PDE3A: variants seen among roughly 807,000 people sequenced by gnomAD.
PDE3A encodes cGMP-inhibited 3',5'-cyclic phosphodiesterase 3A.
In PDE3A, 43 loss-of-function variants were observed where a neutral mutation model predicts 98.3. That is an observed-to-expected ratio of 0.44 (90% CI 0.34 to 0.56). The LOEUF is 0.56. PDE3A is among the 20% of genes least tolerant of loss of function. The probability of loss-of-function intolerance (pLI) is 0.01; values close to 1 mark genes in which losing one functional copy is unlikely to be tolerated. For synonymous variants in PDE3A, 663 were observed against 567.9 expected (o/e 1.17, Z -2.38); for missense variants, 1,427 against 1,440.7 (o/e 0.99, Z 0.15).
intron 9 of PDE3A, among the ~76,000 whole-genome samples, chr12:20,638,377 G>A (rs1944567953): frequency 6.6e-6 from 1 of 152,144 alleles, no homozygotes; most frequent in Admixed American, 6.6e-5. Flanking sequence ...TACAAAGTCT[G>A]TAAAATATTC....
At chr12:20,449,076 G>A (rs1167447463) in intron 1 of PDE3A, among the ~76,000 whole-genome samples, 2 of 152,134 alleles carry the variant, frequency 1.3e-5, no homozygotes, top group Admixed American at 6.5e-5. Flanking sequence ...CAATGCCGTA[G>A]CTAAAAAAAT....
chr12:20,650,706 C>T, intron 14 of PDE3A, 106 bp downstream of exon 14: 1 of 600,084 alleles, frequency 1.7e-6, no homozygotes, highest in South Asian at 4.4e-5. Flanking sequence ...ATTTTATATT[C>T]ATACTTTTGT....
At chr12:20,601,624 G>A (rs1240011916) in intron 2 of PDE3A, among the ~76,000 whole-genome samples, 2 of 152,136 alleles carry the variant, frequency 1.3e-5, no homozygotes, top group Non-Finnish European at 1.5e-5. Flanking sequence ...ATTGAGAAAC[G>A]TAACAACTAA....
Position 20,552,666 on chromosome 12 carries a change from G to T in PDE3A, c.961-3994G>T, listed in dbSNP as rs936588135. ...TGGAGCCCTACAGTCTCACGGCCCA[G>T]CAGAGCAGCCTCATCAGAGAGGACA... On this transcript the variant is annotated intron_variant, in intron 1 of 15. Coordinates refer to ENST00000359062, the MANE Select transcript of PDE3A (RefSeq NM_000921.5). This position sits in a 1 kb window ranked among gnomAD's most constrained non-coding sequence, Gnocchi z 5.1. 1.2e-4 allele frequency: 197 copies of T among 1,613,868 alleles called. No individual in the cohort carries two copies. The highest frequency in any genetic ancestry group is 1.6e-4 in the Non-Finnish European group (184 of 1,179,864).
intron 1 of PDE3A, among the ~76,000 whole-genome samples, chr12:20,380,199 T>C (rs1287389661): frequency 1.3e-5 from 2 of 151,920 alleles, no homozygotes; most frequent in Non-Finnish European, 2.9e-5. Context: ...AAAGCAAATG[T>C]TATCTCCTTA....
chr12:20,667,031 A>G (rs1485172904), intron 15 of PDE3A, among the ~76,000 whole-genome samples: 13 of 152,086 alleles, frequency 8.5e-5, no homozygotes, highest in African/African-American at 2.7e-4. Flanking sequence ...GATTAGTGAT[A>G]TTGAGCATTT....
chr12:20,478,015 TAAAAC>T (rs1945558907), intron 1 of PDE3A, among the ~76,000 whole-genome samples: 1 of 152,098 alleles, frequency 6.6e-6, no homozygotes, highest in South Asian at 2.1e-4. Flanking sequence ...AGTAATTAAT[TAAAAC>T]AAATAAATAA....
intron 12 of PDE3A, 85 bp downstream of exon 12, chr12:20,647,035 A>G (rs1307215646): frequency 2.3e-6 from 2 of 884,512 alleles, no homozygotes; most frequent in Non-Finnish European, 3.7e-6. Flanking sequence ...ACAGGCACCA[A>G]GTTAATATAA....
At chr12:20,626,964 G>A (rs1944276059) in intron 5 of PDE3A, among the ~76,000 whole-genome samples, 1 of 152,026 alleles carries the variant, frequency 6.6e-6, no homozygotes, top group Non-Finnish European at 1.5e-5. Flanking sequence ...GAACTCTAAT[G>A]GTTGTGTGAA....
In PDE3A at chr12:20,369,824, C is replaced by T; in HGVS notation, c.540C>T (p.Val180=). 6.2e-7 allele frequency: 1 copy of T among 1,611,792 alleles called. No homozygotes were observed. The highest frequency in any genetic ancestry group is 8.5e-7 in the Non-Finnish European group (1 of 1,179,426). The change falls in exon 1 of 16, where the codon GTC becomes GTT. Residue 180 remains valine, a synonymous_variant. Transcript: ENST00000359062. ...GEALVQIGLG[V]GEDHLLSLPA... ...CGCTCGTCCAGATTGGGCTGGGCGTCGGGGAGGATCACTTACTCTCACTCC... is the reference window on the plus strand; with the variant it reads ...CGCTCGTCCAGATTGGGCTGGGCGTTGGGGAGGATCACTTACTCTCACTCC...
chr12:20,490,972 G>T (rs1461609846), intron 1 of PDE3A, among the ~76,000 whole-genome samples: 1 of 152,114 alleles, frequency 6.6e-6, no homozygotes, highest in Admixed American at 6.5e-5. Context: ...ATGACGGTAT[G>T]TGCCTGTAGT....
chr12:20,608,170 A>G (rs564164085), intron 2 of PDE3A, among the ~76,000 whole-genome samples: 13 of 152,294 alleles, frequency 8.5e-5, no homozygotes, highest in Admixed American at 3.9e-4. Context: ...TCTGTTTTTC[A>G]CCATTTCATG....
intron 1 of PDE3A, among the ~76,000 whole-genome samples, chr12:20,412,192 A>G (rs534044157): frequency 6.6e-6 from 1 of 152,202 alleles, no homozygotes; most frequent in East Asian, 1.9e-4. Flanking sequence ...GAAAATTTAT[A>G]CATTAGCAAG....
intron 4 of PDE3A, among the ~76,000 whole-genome samples, chr12:20,617,552 G>T (rs1944035343): frequency 3.3e-5 from 5 of 151,990 alleles, no homozygotes; most frequent in Admixed American, 2.0e-4. Flanking sequence ...TAAAAATATT[G>T]ATCATTGACA....
At chr12:20,673,006 A>T (rs920334258) in intron 15 of PDE3A, among the ~76,000 whole-genome samples, 18 of 151,816 alleles carry the variant, frequency 1.2e-4, no homozygotes, top group African/African-American at 3.9e-4. Flanking sequence ...TTTACAAGAA[A>T]AAAACAAACA....
chr12:20,485,086 A>G (rs1189752386), intron 1 of PDE3A, among the ~76,000 whole-genome samples: 2 of 152,194 alleles, frequency 1.3e-5, no homozygotes, highest in Non-Finnish European at 2.9e-5. Context: ...GTTGTCACAA[A>G]GTACCAAAAA....
At chr12:20,460,809 T>TC (rs1945233806) in intron 1 of PDE3A, among the ~76,000 whole-genome samples, 1 of 152,162 alleles carries the variant, frequency 6.6e-6, no homozygotes, top group Non-Finnish European at 1.5e-5. Context: ...TTCTGTAGCC[T>TC]CCATGCCCCT....
intron 9 of PDE3A, among the ~76,000 whole-genome samples, chr12:20,638,645 G>A (rs1944573942): frequency 1.3e-5 from 2 of 152,102 alleles, no homozygotes; most frequent in African/African-American, 2.4e-5. Context: ...ATGGAAAACT[G>A]CAACTTTGAG....
intron 1 of PDE3A, among the ~76,000 whole-genome samples, chr12:20,390,000 A>T (rs1027256720): frequency 6.6e-6 from 1 of 151,984 alleles, no homozygotes; most frequent in African/African-American, 2.4e-5. Context: ...CCCTATGGGC[A>T]TAAGGCCCAG....
Sources: allele counts gnomAD v4.1 joint callset (sites outside exome capture counted in the v4.1 genomes callset), GRCh38; gene constraint gnomAD v4.1.1; non-coding constraint Gnocchi (gnomAD v3.1); transcripts MANE v1.5; gene names NCBI Gene and HGNC (gene_info 2026-07-23, HGNC 2026-07-21).